The following ASIC2 variants were observed in gnomAD, a reference collection of about 807,000 sequenced individuals.
ASIC2 encodes acid-sensing ion channel 2.
Under a neutral mutation model 57.3 loss-of-function variants are expected in ASIC2, and 25 were observed. That is an observed-to-expected ratio of 0.44 (90% CI 0.32 to 0.61). The LOEUF is 0.61. ASIC2 is among the 20% of genes least tolerant of loss of function. The pLI, the probability that ASIC2 is intolerant of heterozygous loss-of-function variation, is 0.06. For synonymous variants in ASIC2, 319 were observed against 307.5 expected, an observed-to-expected ratio of 1.04 and a Z score of -0.39; for missense variants, 641 against 738.1, an observed-to-expected ratio of 0.87 and a Z score of 1.52.
At chr17:34,083,793 T>A (rs531150898) in intron 1 of ASIC2, among the ~76,000 whole-genome samples, 3 of 152,390 alleles carry the variant, frequency 2.0e-5, no homozygotes, top group African/African-American at 7.2e-5. Flanking sequence ...CATTTTTTCA[T>A]GTGTGTTTTG....
chr17:33,227,440 C>T (rs1014041473), intron 1 of ASIC2, among the ~76,000 whole-genome samples: 2 of 152,028 alleles, frequency 1.3e-5, no homozygotes, highest in African/African-American at 4.8e-5. Flanking sequence ...TTAGCATTTC[C>T]ACAGGGATTT....
chr17:34,075,752 C>A (rs1431953065), intron 1 of ASIC2, among the ~76,000 whole-genome samples: 3 of 151,922 alleles, frequency 2.0e-5, no homozygotes, highest in Non-Finnish European at 2.9e-5. Context: ...AGCCTTTGCA[C>A]CGGCTGTTAT....
At position 33,418,024 on chromosome 17, in the gene ASIC2, A is replaced by ATGTGTGTGTG. The variant is rs57341033; in HGVS notation, c.556-305958_556-305957insCACACACACA. ...GGCCCCACTCTGGCTCTCAGCATGT[A>ATGTGTGTGTG]TGTATGTGTGTGTGTGTGTGTGTGT... On this transcript the variant is annotated intron_variant, in intron 1 of 9. Coordinates refer to the ASIC2 transcript ENST00000359872. 2.5e-3 allele frequency among the ~76,000 whole-genome samples: 272 copies of ATGTGTGTGTG among 110,276 alleles called. 1 individual carries two copies. Among genetic ancestry groups the ATGTGTGTGTG allele is most frequent in the African/African-American group, 5.2e-3 (171 of 32,724 alleles). The allele number at this position is 110,276 out of a possible 152,430, so 72.3% of individuals were successfully genotyped here.
intron 1 of ASIC2, among the ~76,000 whole-genome samples, chr17:34,123,661 G>T (rs976882786): frequency 6.6e-6 from 1 of 152,230 alleles, no homozygotes; most frequent in Non-Finnish European, 1.5e-5. Flanking sequence ...GAGTGGTCTT[G>T]CAAGTCTCAG....
chr17:33,431,632 A>G (rs1245181943), intron 1 of ASIC2, among the ~76,000 whole-genome samples: 1 of 152,196 alleles, frequency 6.6e-6, no homozygotes, highest in African/African-American at 2.4e-5. Context: ...AGGAAATCTC[A>G]GAAGAAAAGA....
chr17:33,842,465 G>A (rs1036347361), intron 1 of ASIC2, among the ~76,000 whole-genome samples: 3 of 152,176 alleles, frequency 2.0e-5, no homozygotes, highest in Non-Finnish European at 2.9e-5. Context: ...GCTGCACTGA[G>A]GTTTAAATAT....
chr17:33,262,358 G>A (rs1355231924), intron 1 of ASIC2, among the ~76,000 whole-genome samples: 2 of 151,418 alleles, frequency 1.3e-5, no homozygotes, highest in South Asian at 2.1e-4. Flanking sequence ...GGAGGAAGAG[G>A]GAGGGAGGGA....
At chr17:33,369,024 G>A (rs189106608) in intron 1 of ASIC2, among the ~76,000 whole-genome samples, 109 of 152,290 alleles carry the variant, frequency 7.2e-4, no homozygotes, top group South Asian at 2.3e-3. Flanking sequence ...AAGCAAGATG[G>A]AGTGAACATG....
intron 1 of ASIC2, among the ~76,000 whole-genome samples, chr17:33,646,888 G>A (rs1597820275): frequency 6.6e-6 from 1 of 152,178 alleles, no homozygotes; most frequent in Non-Finnish European, 1.5e-5. Flanking sequence ...ACAGTGCTGG[G>A]GGAGCTGACA....
chr17:33,037,096 C>T (rs1340847082), intron 3 of ASIC2, among the ~76,000 whole-genome samples: 2 of 141,390 alleles, frequency 1.4e-5, no homozygotes, highest in Non-Finnish European at 1.5e-5. Flanking sequence ...TACCCTCAAA[C>T]CCCAAATTAA....
Position 33,775,088 on chromosome 17 carries a change from C to T in ASIC2, c.555+380890G>A, listed in dbSNP as rs148150472. Among the ~76,000 whole-genome samples the T allele has an allele frequency of 1.2e-4, 18 of 152,280 alleles. No individual in the cohort carries two copies. The East Asian group carries it at 1.7e-3, about 15-fold the overall frequency. ...GAGCATACTGTGCAAGGCTTGGAAG[C>T]GATCCCATCCGGGCTTGGGAGAGAC... is the stretch of plus-strand genomic sequence containing the variant. On this transcript the variant is annotated intron_variant, in intron 1 of 9. Coordinates refer to the ASIC2 transcript ENST00000359872.
chr17:33,610,449 AC>A (rs142903951), intron 1 of ASIC2, among the ~76,000 whole-genome samples: 3 of 151,448 alleles, frequency 2.0e-5, no homozygotes, highest in African/African-American at 7.3e-5. Context: ...GAGGCACCAC[AC>A]CCCCCACCGC....
chr17:34,001,837 C>G (rs187732534), intron 1 of ASIC2: 18 of 152,362 alleles, frequency 1.2e-4, no homozygotes, highest in African/African-American at 4.1e-4. Flanking sequence ...ATTCCTTCAG[C>G]TCTTGTGAAG....
intron 3 of ASIC2, among the ~76,000 whole-genome samples, chr17:33,087,049 G>A (rs1300714325): frequency 1.3e-5 from 2 of 152,124 alleles, no homozygotes; most frequent in Non-Finnish European, 2.9e-5. Flanking sequence ...GTAAATAATT[G>A]ATTAAAATCT....
intron 1 of ASIC2, among the ~76,000 whole-genome samples, chr17:34,033,395 G>A (rs1010094080): frequency 6.6e-6 from 1 of 151,904 alleles, no homozygotes; most frequent in Non-Finnish European, 1.5e-5. Context: ...AGCACTAAAT[G>A]CCCACAAGAG....
intron 1 of ASIC2, among the ~76,000 whole-genome samples, chr17:33,324,490 C>A (rs1906989785): frequency 6.6e-6 from 1 of 152,068 alleles, no homozygotes; most frequent in African/African-American, 2.4e-5. Context: ...TATGACAGAG[C>A]CCTGCAAATA....
At chr17:33,593,133 A>G (rs969210850) in intron 1 of ASIC2, among the ~76,000 whole-genome samples, 1 of 152,250 alleles carries the variant, frequency 6.6e-6, no homozygotes, top group African/African-American at 2.4e-5. Context: ...TGGCCAGGAT[A>G]TACAAAGGAC....
intron 1 of ASIC2, among the ~76,000 whole-genome samples, chr17:33,782,803 C>T (rs1434132516): frequency 3.3e-5 from 5 of 152,160 alleles, no homozygotes; most frequent in Non-Finnish European, 5.9e-5. Flanking sequence ...CCCTTCAGTG[C>T]CTTCCTACAT....
chr17:33,291,343 C>A, intron 1 of ASIC2, 65 bp downstream of exon 1: 2 of 1,525,160 alleles, frequency 1.3e-6, no homozygotes, highest in Non-Finnish European at 1.8e-6. Flanking sequence ...GGGCGGAACA[C>A]CAGGCCTCCT....
Sources: gnomAD v4.1 joint callset for allele counts (sites outside exome capture counted in the v4.1 genomes callset) on GRCh38, gnomAD v4.1.1 for gene constraint, MANE v1.5 for transcripts, NCBI Gene and HGNC (gene_info 2026-07-23, HGNC 2026-07-21) for gene names.